Variants in ZMIZ1 observed in about 807,000 individuals in gnomAD.
ZMIZ1 encodes the protein zinc finger MIZ-type containing 1.
ZMIZ1 carries 17 observed loss-of-function variants against 113.9 expected under a neutral mutation model. That is an observed-to-expected ratio of 0.15 (90% confidence interval 0.10 to 0.22). The LOEUF is 0.22. Among genes scored for constraint, ZMIZ1 ranks in the 10% least tolerant of loss-of-function variants. The pLI is 1.00. For missense variants in ZMIZ1, 1,059 were observed against 1,477.8 expected, an observed-to-expected ratio of 0.72 and a Z score of 4.65; for synonymous variants, 607 against 603.1, an observed-to-expected ratio of 1.01 and a Z score of -0.09.
chr10:79,255,789 G>A (rs913692352), intron 7 of ZMIZ1, among the ~76,000 whole-genome samples: 2 of 152,012 alleles, frequency 1.3e-5, no homozygotes, highest in African/African-American at 4.8e-5. Context: ...GCACTTTTTC[G>A]ATTTAACAAG....
chr10:79,227,457 C>T (rs1296398204), intron 7 of ZMIZ1, among the ~76,000 whole-genome samples: 3 of 152,186 alleles, frequency 2.0e-5, no homozygotes, highest in African/African-American at 7.2e-5. Flanking sequence ...GTGTGAATCC[C>T]ACCCAGCCCC....
intron 7 of ZMIZ1, among the ~76,000 whole-genome samples, chr10:79,237,293 C>T (rs1370697046): frequency 1.3e-5 from 2 of 152,226 alleles, no homozygotes; most frequent in African/African-American, 2.4e-5. Flanking sequence ...TTGCATTTTA[C>T]ACCAACGGGG....
intron 4 of ZMIZ1, among the ~76,000 whole-genome samples, chr10:79,167,362 C>T (rs951307154): frequency 4.6e-5 from 7 of 152,168 alleles, no homozygotes; most frequent in African/African-American, 1.4e-4. Flanking sequence ...CTGTATTGCA[C>T]GGCGCATGCT....
At chr10:79,193,579 G>T (rs1241253207) in intron 4 of ZMIZ1, among the ~76,000 whole-genome samples, 1 of 152,230 alleles carries the variant, frequency 6.6e-6, no homozygotes, top group Admixed American at 6.5e-5. Flanking sequence ...CCCTGGGCTA[G>T]ACTAAGGGAT....
chr10:79,170,582 G>T (rs1367099031), intron 4 of ZMIZ1, among the ~76,000 whole-genome samples: 2 of 152,220 alleles, frequency 1.3e-5, no homozygotes, highest in Admixed American at 1.3e-4. Flanking sequence ...AAGCTGAGCT[G>T]GATCACTAAC....
In ZMIZ1 at chr10:79,156,301, G is replaced by A. The variant is rs200692894; in HGVS notation, c.-130-5752G>A. On this transcript the variant is annotated intron_variant, in intron 3 of 24. Coordinates refer to ENST00000334512, the MANE Select transcript of ZMIZ1 (RefSeq NM_020338.4). ...CTCTTCCCCAGTTCTCACTCTTTGG[G>A]TCCCCACGGTGCCAGGTTGGGGACC... Among the ~76,000 whole-genome samples the A allele has an allele frequency of 1.8e-4, 28 of 152,234 alleles. No individual in the cohort carries two copies. The East Asian group carries it at 5.4e-3, about 29-fold the overall frequency.
chr10:79,306,737 C>A (rs535976411), intron 22 of ZMIZ1, among the ~76,000 whole-genome samples: 1 of 152,220 alleles, frequency 6.6e-6, no homozygotes. Flanking sequence ...CTTACGCTCC[C>A]GGCTGCCCAG....
chr10:79,298,116 A>G (rs933352202), intron 14 of ZMIZ1, among the ~76,000 whole-genome samples: 3 of 152,020 alleles, frequency 2.0e-5, no homozygotes, highest in Non-Finnish European at 2.9e-5. Flanking sequence ...CAAGTCCCCA[A>G]CCCTGAGCCT....
chr10:79,149,530 C>T (rs2132445773), intron 3 of ZMIZ1, among the ~76,000 whole-genome samples: 1 of 152,356 alleles, frequency 6.6e-6, no homozygotes, highest in Admixed American at 6.5e-5. Context: ...GGTAGCCTTG[C>T]AGCCCCTGGG....
intron 1 of ZMIZ1, among the ~76,000 whole-genome samples, chr10:79,081,825 C>T (rs1019739444): frequency 4.6e-5 from 7 of 152,250 alleles, no homozygotes; most frequent in African/African-American, 1.4e-4. Context: ...AAGGCCAGCA[C>T]GTTGCATGCT....
chr10:79,194,786 T>C (rs1847762702), intron 4 of ZMIZ1, among the ~76,000 whole-genome samples: 1 of 152,208 alleles, frequency 6.6e-6, no homozygotes, highest in Non-Finnish European at 1.5e-5. Flanking sequence ...AGCAGCCCTC[T>C]ATACATAATA....
At chr10:79,150,179 C>T (rs1292228876) in intron 3 of ZMIZ1, among the ~76,000 whole-genome samples, 3 of 152,198 alleles carry the variant, frequency 2.0e-5, no homozygotes, top group Non-Finnish European at 2.9e-5. Flanking sequence ...GGGCCGCAGC[C>T]GTGCAGGTCA....
intron 2 of ZMIZ1, 24 bp from the exon 3 acceptor site, chr10:79,139,658 C>T (rs1358158864): frequency 5.0e-6 from 2 of 398,560 alleles, no homozygotes; most frequent in East Asian, 3.6e-5. Flanking sequence ...TCACACACGT[C>T]TCATCTCTCC....
chr10:79,277,422 A>G (rs540519184), intron 8 of ZMIZ1, 97 bp downstream of exon 8: 41 of 1,416,142 alleles, frequency 2.9e-5, no homozygotes, highest in Non-Finnish European at 3.7e-5. Context: ...CCTCTGTGCA[A>G]CCATGAGGAT....
chr10:79,184,050 T>C (rs1220340759), intron 4 of ZMIZ1, among the ~76,000 whole-genome samples: 1 of 152,178 alleles, frequency 6.6e-6, no homozygotes, highest in African/African-American at 2.4e-5. Flanking sequence ...TCGGCCAGCG[T>C]TGCCTCGGTG....
At chr10:79,099,874 G>A (rs530968022) in intron 1 of ZMIZ1, among the ~76,000 whole-genome samples, 12 of 152,234 alleles carry the variant, frequency 7.9e-5, no homozygotes, top group Middle Eastern at 3.4e-3. Context: ...CTGGTTATGG[G>A]GGCAGGTAGG....
rs552687341 is a variant in ZMIZ1 at position 79,260,361 on chromosome 10, A to T, written c.281-16820A>T. 2.0e-5 allele frequency among the ~76,000 whole-genome samples: 3 copies of T among 152,300 alleles called. No homozygotes were observed. The South Asian group carries it at 6.2e-4, about 32-fold the overall frequency. ...GAAGAACAATGAGGCAGGGGAGGAA[A>T]ATAGAGGGAGTCGGTGGTGGGGAGG... On this transcript the variant is annotated intron_variant, in intron 7 of 24. Transcript: ENST00000334512.
intron 4 of ZMIZ1, among the ~76,000 whole-genome samples, chr10:79,194,635 G>A (rs1847756757): frequency 6.6e-6 from 1 of 152,148 alleles, no homozygotes; most frequent in African/African-American, 2.4e-5. Context: ...ATTTGGACCT[G>A]TCAGAGGGGC....
chr10:79,209,633 C>T (rs1034741444), intron 6 of ZMIZ1, among the ~76,000 whole-genome samples: 1 of 152,248 alleles, frequency 6.6e-6, no homozygotes. Context: ...CCCACATGGC[C>T]TTGGCCTGGA....
Sources: gnomAD v4.1 joint callset for allele counts (sites outside exome capture counted in the v4.1 genomes callset) on GRCh38, gnomAD v4.1.1 for gene constraint, MANE v1.5 for transcripts, NCBI Gene and HGNC (gene_info 2026-07-23, HGNC 2026-07-21) for gene names.